SIPA1L3: variants seen among roughly 807,000 people sequenced by gnomAD.
The protein encoded by SIPA1L3 is signal induced proliferation associated 1 like 3.
A neutral mutation model predicts 150.1 loss-of-function variants in SIPA1L3; 59 were observed. The ratio of observed to expected loss-of-function variants is 0.39; its 90% CI spans 0.32 to 0.49. The LOEUF (loss-of-function observed/expected upper bound fraction) is 0.49, where lower values mean the gene tolerates loss of function less well. Among genes scored for constraint, SIPA1L3 ranks in the 20% least tolerant of loss-of-function variants. The pLI, the probability that SIPA1L3 is intolerant of heterozygous loss-of-function variation, is 0.86. For synonymous variants in SIPA1L3, 1,070 were observed against 1,077.6 expected, an observed-to-expected ratio of 0.99 and a Z score of 0.14; for missense variants, 2,211 against 2,489.5, an observed-to-expected ratio of 0.89 and a Z score of 2.38.
intron 1 of SIPA1L3, among the ~76,000 whole-genome samples, chr19:37,986,834 A>G (rs575532548): frequency 1.3e-5 from 2 of 152,206 alleles, no homozygotes; most frequent in Non-Finnish European, 1.5e-5. Flanking sequence ...AGGGGCATTC[A>G]CAATCACTGA....
At chr19:38,110,444 A>C in intron 8 of SIPA1L3, 60 bp downstream of exon 8, 1 of 1,531,408 alleles carries the variant, frequency 6.5e-7, no homozygotes, top group Non-Finnish European at 8.9e-7. Context: ...CAGCTGGCCC[A>C]AGTGGGTCCC....
intron 1 of SIPA1L3, among the ~76,000 whole-genome samples, chr19:37,927,005 G>A (rs1455799873): frequency 6.6e-6 from 1 of 151,828 alleles, no homozygotes; most frequent in Non-Finnish European, 1.5e-5. Flanking sequence ...AAAGGTGGTG[G>A]CATGATTTTT....
At chr19:38,054,602 A>T (rs1033296874) in intron 2 of SIPA1L3, among the ~76,000 whole-genome samples, 4 of 150,092 alleles carry the variant, frequency 2.7e-5, no homozygotes, top group Admixed American at 6.6e-5. Flanking sequence ...ATCTCAAAAA[A>T]AAAGGAAATT....
In SIPA1L3 at chr19:38,207,924, G is replaced by T. The variant is rs1600218568; in HGVS notation, c.*1684G>T. The T allele has an allele frequency of 6.6e-6, 1 of 152,588 alleles. No individual in the cohort carries two copies. Among genetic ancestry groups the T allele is most frequent in the East Asian group, 1.9e-4 (1 of 5,176 alleles). The allele number at this position is 152,588 out of a possible 1,614,324, so 9.5% of individuals were successfully genotyped here. A position where few individuals can be genotyped will look rare whatever the true frequency, so the allele number is the denominator to read the frequency against. Reference sequence around the variant, plus strand: ...GAGTGAGGTGGGCGTGCCCCAGGCAGCGTCCTCAGCCCTGGCCAGCTACTG... The same window carrying T: ...GAGTGAGGTGGGCGTGCCCCAGGCATCGTCCTCAGCCCTGGCCAGCTACTG... On this transcript the variant is annotated 3_prime_UTR_variant, in exon 22 of 22. Transcript: ENST00000222345.
chr19:38,197,949 G>A (rs1244363482), intron 18 of SIPA1L3, among the ~76,000 whole-genome samples: 2 of 146,214 alleles, frequency 1.4e-5, no homozygotes, highest in Non-Finnish European at 3.0e-5. Context: ...TGAGAACACA[G>A]TCGTCACTGG....
At chr19:38,188,436 T>G (rs1972735062) in intron 16 of SIPA1L3, among the ~76,000 whole-genome samples, 3 of 151,634 alleles carry the variant, frequency 2.0e-5, no homozygotes, top group Non-Finnish European at 2.9e-5. Context: ...CCACCTGCCT[T>G]GGCCTCCAAA....
intron 1 of SIPA1L3, among the ~76,000 whole-genome samples, chr19:37,932,141 C>T (rs1179706238): frequency 5.3e-5 from 8 of 152,208 alleles, no homozygotes; most frequent in Non-Finnish European, 8.8e-5. Flanking sequence ...CCAAGGAGCC[C>T]GCCTTTAGAT....
chr19:37,916,643 C>T (rs1273141540), intron 1 of SIPA1L3, among the ~76,000 whole-genome samples: 1 of 151,956 alleles, frequency 6.6e-6, no homozygotes, highest in Non-Finnish European at 1.5e-5. Context: ...TCTCAAAAGC[C>T]CACAACAGTG....
At chr19:38,203,068 T>C (rs1452171299) in intron 20 of SIPA1L3, among the ~76,000 whole-genome samples, 1 of 152,220 alleles carries the variant, frequency 6.6e-6, no homozygotes, top group Non-Finnish European at 1.5e-5. Flanking sequence ...ATCCGTGCAC[T>C]GTACTTCATG....
Position 38,130,379 on chromosome 19 carries a change from G to A in SIPA1L3, c.2869-119G>A, listed in dbSNP as rs960664819. The A allele has an allele frequency of 4.9e-6, 5 of 1,020,932 alleles. No homozygotes were observed. The African/African-American group carries it at 8.0e-5, about 16-fold the overall frequency. The allele number at this position is 1,020,932 out of a possible 1,614,324, so 63.2% of individuals were successfully genotyped here. A position where few individuals can be genotyped will look rare whatever the true frequency, so the allele number is the denominator to read the frequency against. On this transcript the variant is annotated intron_variant, in intron 9 of 21. Transcript: ENST00000222345. ...CGGGTCCCCTGCCATCACCCGGGAAGGTATTAATAGATGGGAGTTGGCAGG... is the reference window on the plus strand; with the variant it reads ...CGGGTCCCCTGCCATCACCCGGGAAAGTATTAATAGATGGGAGTTGGCAGG...
At chr19:38,135,649 G>C (rs1166564374) in intron 10 of SIPA1L3, among the ~76,000 whole-genome samples, 2 of 152,204 alleles carry the variant, frequency 1.3e-5, no homozygotes, top group African/African-American at 4.8e-5. Context: ...CAACCAGACA[G>C]AGGAGTTCTT....
intron 1 of SIPA1L3, among the ~76,000 whole-genome samples, chr19:37,987,925 A>G (rs1201598231): frequency 6.6e-6 from 1 of 152,234 alleles, no homozygotes; most frequent in Non-Finnish European, 1.5e-5. Context: ...TGAAGTCACC[A>G]TAAAGTCCCT....
At chr19:38,186,211 G>A (rs1056483604) in intron 16 of SIPA1L3, 1 of 152,226 alleles carries the variant, frequency 6.6e-6, no homozygotes, top group African/African-American at 2.4e-5. Context: ...GTGTGTGTTG[G>A]TGTAAACATA....
chr19:38,030,652 G>GA (rs1568510571), intron 2 of SIPA1L3, among the ~76,000 whole-genome samples: 4 of 66,428 alleles, frequency 6.0e-5, no homozygotes, highest in South Asian at 3.6e-4. Context: ...ATATATATAT[G>GA]GCAAATACTT....
At chr19:38,176,247 G>A (rs987822799) in intron 15 of SIPA1L3, among the ~76,000 whole-genome samples, 12 of 151,690 alleles carry the variant, frequency 7.9e-5, no homozygotes, top group South Asian at 2.1e-4. Flanking sequence ...TCCTGACCTC[G>A]GGTGATCCAT....
At chr19:38,015,721 TAA>T (rs59452393) in intron 1 of SIPA1L3, among the ~76,000 whole-genome samples, 23,880 of 101,906 alleles carry the variant, frequency 0.23, 2,584 homozygotes, top group South Asian at 0.26. Flanking sequence ...AAGATCCTGT[TAA>T]AAAAAAAAAA....
chr19:38,202,669 C>T (rs1973115136), intron 20 of SIPA1L3, among the ~76,000 whole-genome samples: 1 of 152,204 alleles, frequency 6.6e-6, no homozygotes, highest in Non-Finnish European at 1.5e-5. Context: ...AGCCCCGTCG[C>T]TGCCAATCTC....
intron 16 of SIPA1L3, among the ~76,000 whole-genome samples, chr19:38,186,597 G>GC (rs925469062): frequency 3.3e-4 from 49 of 150,184 alleles, no homozygotes; most frequent in Middle Eastern, 3.5e-3. Context: ...CAGGCAATCC[G>GC]CCCCCCCTTG....
In SIPA1L3 at chr19:37,930,490, C is replaced by T. The variant is rs191702998; in HGVS notation, c.-379+23132C>T. On this transcript the variant is annotated intron_variant, in intron 1 of 21. Transcript: ENST00000222345. ...TGACTTATAATAAATATTTTATAAT[C>T]CTGCACCCCCTTACCAAAAAAAATC... is the stretch of plus-strand genomic sequence containing the variant. Among the ~76,000 whole-genome samples, 35 of 152,238 alleles carry T rather than the reference C, an allele frequency of 2.3e-4. No individual in the cohort carries two copies. The East Asian group carries it at 5.8e-3, about 25-fold the overall frequency.
Sources: allele counts gnomAD v4.1 joint callset (sites outside exome capture counted in the v4.1 genomes callset), GRCh38; gene constraint gnomAD v4.1.1; transcripts MANE v1.5; gene names NCBI Gene and HGNC (gene_info 2026-07-23, HGNC 2026-07-21).